KAT2B: variants seen among roughly 807,000 people sequenced by gnomAD.
The protein encoded by KAT2B is histone acetyltransferase KAT2B.
A neutral mutation model predicts 105.9 loss-of-function variants in KAT2B; 36 were observed. The ratio of observed to expected loss-of-function variants is 0.34; its 90% CI spans 0.26 to 0.45. KAT2B has a LOEUF of 0.45. KAT2B is among the 20% of genes least tolerant of loss of function. The pLI is 1.00. For synonymous variants in KAT2B, 397 were observed against 377.9 expected (o/e 1.05, Z -0.59); for missense variants, 820 against 1,021.6 (o/e 0.80, Z 2.69).
intron 15 of KAT2B, 27 bp from the exon 16 acceptor site, chr3:20,148,216 C>T: frequency 1.3e-6 from 2 of 1,595,178 alleles, no homozygotes; most frequent in Non-Finnish European, 1.7e-6. Context: ...CTAATCATTG[C>T]TCCTTGTTTC....
intron 3 of KAT2B, among the ~76,000 whole-genome samples, chr3:20,099,310 T>TTA (rs765768113): frequency 3.9e-5 from 6 of 152,194 alleles, no homozygotes; most frequent in African/African-American, 4.8e-5. Flanking sequence ...CAGACTTTCT[T>TTA]CCTAAAGAGC....
chr3:20,115,541 A>G (rs975006421), intron 7 of KAT2B, among the ~76,000 whole-genome samples: 1 of 152,212 alleles, frequency 6.6e-6, no homozygotes, highest in Admixed American at 6.5e-5. Flanking sequence ...CTCTAGGTCA[A>G]TGTGTATTAT....
At chr3:20,117,717 G>A (rs1051132919) in intron 7 of KAT2B, among the ~76,000 whole-genome samples, 20 of 152,200 alleles carry the variant, frequency 1.3e-4, no homozygotes, top group Admixed American at 9.8e-4. Context: ...GTAGATGAAC[G>A]TTCTCTCTGA....
At chr3:20,061,919 T>A (rs374082896) in intron 1 of KAT2B, among the ~76,000 whole-genome samples, 63 of 38,570 alleles carry the variant, frequency 1.6e-3, no homozygotes, top group South Asian at 9.8e-3. Flanking sequence ...AAAATATGTA[T>A]TATATATCAT....
chr3:20,115,381 G>A (rs6771737), intron 7 of KAT2B, among the ~76,000 whole-genome samples: 62,945 of 151,942 alleles, frequency 0.41, 13,271 homozygotes, highest in Non-Finnish European at 0.43. Context: ...TTCTGGAGTC[G>A]CAGTGATCCC....
intron 8 of KAT2B, among the ~76,000 whole-genome samples, chr3:20,122,071 A>G (rs2125174810): frequency 6.6e-6 from 1 of 152,260 alleles, no homozygotes; most frequent in East Asian, 1.9e-4. Flanking sequence ...GAAATAATCA[A>G]ATCAACCAAC....
chr3:20,146,440 G>C lies in KAT2B; in HGVS notation c.2119+10G>C, dbSNP rs753219240. The C allele has an allele frequency of 2.4e-5, 37 of 1,523,282 alleles. No homozygotes were observed. Among genetic ancestry groups the C allele is most frequent in the Non-Finnish European group, 3.2e-5 (36 of 1,110,848 alleles). The allele number at this position is 1,523,282 out of a possible 1,614,324, so 94.4% of individuals were successfully genotyped here. The stretch of plus-strand genomic sequence containing the variant: ...AGCATTCCTGGAATTAGTACGTATA[G>C]ACCTTCTTTTAAAAGCGAAATTTTT... On this transcript the variant is annotated intron_variant, in intron 14 of 17. Transcript: ENST00000263754.
chr3:20,057,396 C>T (rs907278455), intron 1 of KAT2B, among the ~76,000 whole-genome samples: 3 of 152,090 alleles, frequency 2.0e-5, no homozygotes, highest in Non-Finnish European at 4.4e-5. Context: ...ACCATGAGAA[C>T]GTGAGCTGTC....
chr3:20,135,719 G>A (rs1421420113), intron 11 of KAT2B, among the ~76,000 whole-genome samples: 5 of 152,138 alleles, frequency 3.3e-5, no homozygotes, highest in African/African-American at 4.8e-5. Flanking sequence ...TGCCATATGA[G>A]GAATGACTAT....
chr3:20,148,111 G>A (rs2125198288), intron 15 of KAT2B, 112 bp downstream of exon 15: 4 of 1,355,594 alleles, frequency 3.0e-6, no homozygotes, highest in Non-Finnish European at 4.2e-6. Context: ...ACAGTTGGTG[G>A]GTTTTGAGTT....
chr3:20,130,306 C>G (rs1368228893), intron 11 of KAT2B, among the ~76,000 whole-genome samples: 1 of 152,224 alleles, frequency 6.6e-6, no homozygotes, highest in Non-Finnish European at 1.5e-5. Context: ...TTGCTTGAAA[C>G]TGATCTCTGG....
chr3:20,152,392 TG>T lies in KAT2B; in HGVS notation c.2368del (p.Ala790GlnfsTer40). The part of the protein sequence containing the change: ...NRYYVSKKLF[M>X]ADLQRVFTNC... ...TACTACGTGTCTAAGAAATTATTCA[TG>T]GCAGACTTACAGCGAGTCTTTACCA... On this transcript the variant is annotated frameshift_variant, in exon 18 of 18. Coordinates refer to ENST00000263754, the MANE Select transcript of KAT2B (RefSeq NM_003884.5). LOFTEE classifies it high-confidence loss of function. 1 of 1,613,596 alleles carries T rather than the reference TG, an allele frequency of 6.2e-7. No individual in the cohort carries two copies. The highest frequency in any genetic ancestry group is 8.5e-7 in the Non-Finnish European group (1 of 1,179,638).
In KAT2B at chr3:20,098,195, A is replaced by T. The variant is rs148293867; in HGVS notation, c.577-1667A>T. Among the ~76,000 whole-genome samples, 365 of 151,522 alleles carry T rather than the reference A, an allele frequency of 2.4e-3. 1 individual carries two copies. Among genetic ancestry groups the T allele is most frequent in the African/African-American group, 8.5e-3 (351 of 41,228 alleles). On this transcript the variant is annotated intron_variant, in intron 3 of 17. Coordinates refer to ENST00000263754, the MANE Select transcript of KAT2B (RefSeq NM_003884.5). ...CCATGAGCTGAGATCATGCCACTGC[A>T]CTCCAACCTGGCCGACAGAGTGAGA... is the stretch of plus-strand genomic sequence containing the variant.
At chr3:20,052,613 G>A (rs932400404) in intron 1 of KAT2B, among the ~76,000 whole-genome samples, 2 of 150,974 alleles carry the variant, frequency 1.3e-5, no homozygotes, top group Non-Finnish European at 2.9e-5. Flanking sequence ...AGGCTGAGTT[G>A]GTGATCCAGC....
chr3:20,099,942 T>C lies in KAT2B; in HGVS notation c.657T>C (p.Pro219=), dbSNP rs1417308612. 6.3e-7 allele frequency: 1 copy of C among 1,592,114 alleles called. No individual in the cohort carries two copies. The highest frequency in any genetic ancestry group is 8.6e-7 in the Non-Finnish European group (1 of 1,160,512). ...AAAAGAAACCCCCATTTGAAAAACCTAGCATTGAACAGGTAAAAAGATTTT... is the reference window on the plus strand; with the variant it reads ...AAAAGAAACCCCCATTTGAAAAACCCAGCATTGAACAGGTAAAAAGATTTT... ...SLEKKPPFEK[P]SIEQGVNNFV... is the part of the protein sequence containing the mutation. Residue 219 remains proline, a synonymous_variant, in exon 4 of 18, where the codon CCT becomes CCC. Transcript: ENST00000263754.
chr3:20,074,573 T>A (rs987066991), intron 2 of KAT2B, among the ~76,000 whole-genome samples: 5 of 152,202 alleles, frequency 3.3e-5, no homozygotes, highest in Non-Finnish European at 7.3e-5. Context: ...TATAACACTA[T>A]CAGGGTTCTT....
chr3:20,064,426 C>T lies in KAT2B; in HGVS notation c.304-7907C>T, dbSNP rs1417413732. On this transcript the variant is annotated intron_variant, in intron 1 of 17. Transcript: ENST00000263754. ...TGTTAACTATAGTCACTCTGCTGTG[C>T]GATAGAACACCAGAATTTACTCCTC... 3.3e-5 allele frequency among the ~76,000 whole-genome samples: 5 copies of T among 152,216 alleles called. No homozygotes were observed. The South Asian group carries it at 8.3e-4, about 25-fold the overall frequency.
Position 20,090,967 on chromosome 3 carries a change from G to T in KAT2B, c.431-4296G>T, listed in dbSNP as rs529752749. Among the ~76,000 whole-genome samples, 8 of 152,128 alleles carry T rather than the reference G, an allele frequency of 5.3e-5. No individual in the cohort carries two copies. In the South Asian group the frequency reaches 1.7e-3, roughly 32 times the overall value. On this transcript the variant is annotated intron_variant, in intron 2 of 17. Transcript: ENST00000263754. ...GGGTCTCACTATGTTGTGCAGGCTT[G>T]TCTTGAACTCCTAGGCTTAAGCATT...
intron 2 of KAT2B, among the ~76,000 whole-genome samples, chr3:20,084,462 G>A (rs567828060): frequency 6.6e-6 from 1 of 152,104 alleles, no homozygotes; most frequent in African/African-American, 2.4e-5. Context: ...CTTCTCTTCT[G>A]GGAAACTGTT....
Sources: allele counts gnomAD v4.1 joint callset (sites outside exome capture counted in the v4.1 genomes callset), GRCh38; gene constraint gnomAD v4.1.1; transcripts MANE v1.5; gene names NCBI Gene and HGNC (gene_info 2026-07-23, HGNC 2026-07-21).